The following NSD2 variants were observed in gnomAD, a reference collection of about 807,000 sequenced individuals.
The protein encoded by NSD2 is histone-lysine N-methyltransferase NSD2.
In NSD2, 12 loss-of-function variants were observed where a neutral mutation model predicts 139.0. The observed-to-expected ratio is 0.09, with a 90% CI of 0.06 to 0.14. NSD2 has a LOEUF of 0.14. Ranked by LOEUF, NSD2 falls within the 10% of genes least tolerant of loss-of-function variation. The pLI, the probability that NSD2 is intolerant of heterozygous loss-of-function variation, is 1.00. For missense variants in NSD2, 1,155 were observed against 1,745.0 expected, an observed-to-expected ratio of 0.66 and a Z score of 6.02; for synonymous variants, 669 against 648.7, an observed-to-expected ratio of 1.03 and a Z score of -0.48.
intron 5 of NSD2, among the ~76,000 whole-genome samples, chr4:1,927,719 GAAAAAAAAAAA>G (rs1177170379): frequency 8.5e-4 from 16 of 18,902 alleles, no homozygotes; most frequent in Admixed American, 3.0e-3. Flanking sequence ...TCTTATCTCA[GAAAAAAAAAAA>G]AAAAAAAAAA....
intron 1 of NSD2, among the ~76,000 whole-genome samples, chr4:1,888,182 G>A (rs899445114): frequency 6.6e-6 from 1 of 152,112 alleles, no homozygotes; most frequent in Non-Finnish European, 1.5e-5. Context: ...GGAGGCTGAG[G>A]TGGGTGGATC....
chr4:1,879,667 G>A (rs1041879512), intron 1 of NSD2, among the ~76,000 whole-genome samples: 2 of 152,070 alleles, frequency 1.3e-5, no homozygotes, highest in Non-Finnish European at 2.9e-5. Context: ...GTGATGAGCC[G>A]TGCCCTGTCC....
intron 3 of NSD2, among the ~76,000 whole-genome samples, chr4:1,908,163 G>A (rs935725903): frequency 2.7e-4 from 41 of 152,340 alleles, no homozygotes; most frequent in African/African-American, 9.1e-4. Flanking sequence ...GCTTCTGCTA[G>A]TCTAGAACAG....
chr4:1,976,514 A>G lies in NSD2; in HGVS notation c.3661A>G (p.Thr1221Ala). Residue 1221 changes from threonine to alanine, a missense_variant, in exon 21 of 22, where the codon ACC (threonine) becomes GCC (alanine). Thr to Ala is a moderately conservative substitution (Grantham distance 58). This residue lies in a region of NSD2 where 39 missense variants were observed against 43.5 expected (regional missense o/e 0.90). Transcript: ENST00000508803. The surrounding 1 kb of genome is among the most constrained non-coding windows in gnomAD (Gnocchi z 5.3). Reference protein sequence around the residue: ...TLSSEEKGKKTKKKTRRRRAK... With the variant: ...TLSSEEKGKKAKKKTRRRRAK... ...TTCATCAGAGGAAAAGGGCAAAAAG[A>G]CCAAGAAGAAAACGAGGCGGCGCAG... 1 of 1,613,966 alleles carries G rather than the reference A, an allele frequency of 6.2e-7. No individual in the cohort carries two copies. The highest frequency in any genetic ancestry group is 8.5e-7 in the Non-Finnish European group (1 of 1,179,964).
intron 21 of NSD2, 46 bp from the exon 22 acceptor site, chr4:1,978,592 G>A (rs934601645): frequency 4.5e-6 from 7 of 1,558,744 alleles, no homozygotes; most frequent in Admixed American, 1.8e-5. Context: ...TGTTGAAGTC[G>A]TGATTCCATC....
chr4:1,910,840 G>C (rs1278987630), intron 3 of NSD2, among the ~76,000 whole-genome samples: 1 of 152,088 alleles, frequency 6.6e-6, no homozygotes, highest in Non-Finnish European at 1.5e-5. Flanking sequence ...TTGGGGCTCT[G>C]GTGCCCTCCA....
chr4:1,878,251 ATTTTTTTTTTTTTTTTTT>A (rs71589624), intron 1 of NSD2, among the ~76,000 whole-genome samples: 22 of 29,312 alleles, frequency 7.5e-4, no homozygotes, highest in African/African-American at 2.9e-3. Flanking sequence ...ATATATATAT[ATTTTTTTTTTTTTTTTTT>A]TTTTTTTTTT....
Position 1,946,258 on chromosome 4 carries a change from ATTAT to A in NSD2, c.1882-4794_1882-4791del, listed in dbSNP as rs569689868. ...AATTTGGGGGGTCTTGCATTTATTT[ATTAT>A]TTATTTATTTATTTATTTAGAGACA... is the stretch of plus-strand genomic sequence containing the variant. On this transcript the variant is annotated intron_variant, in intron 9 of 21. Transcript: ENST00000508803. The A allele has an allele frequency of 2.4e-3, 2,273 of 958,928 alleles. 34 individuals are homozygous for A. In the African/African-American group the frequency reaches 0.033, roughly 14 times the overall value. 59.4% of individuals were successfully genotyped at this position (958,928 alleles called of 1,614,324 possible).
intron 3 of NSD2, among the ~76,000 whole-genome samples, chr4:1,909,019 C>T (rs1718310192): frequency 6.6e-6 from 1 of 152,014 alleles, no homozygotes; most frequent in Non-Finnish European, 1.5e-5. Flanking sequence ...GCTATTATTG[C>T]ACTTTCTACA....
At chr4:1,916,156 G>A (rs1236360941) in intron 3 of NSD2, among the ~76,000 whole-genome samples, 1 of 152,074 alleles carries the variant, frequency 6.6e-6, no homozygotes, top group Non-Finnish European at 1.5e-5. Flanking sequence ...GAGATAGGGG[G>A]GTAGCTAGCT....
chr4:1,939,693 A>G lies in NSD2; in HGVS notation c.1796A>G (p.Lys599Arg). The G allele has an allele frequency of 6.2e-7, 1 of 1,614,226 alleles. No individual in the cohort carries two copies. Among genetic ancestry groups the G allele is most frequent in the South Asian group, 1.1e-5 (1 of 91,088 alleles). The change falls in exon 9 of 22, where the codon AAG becomes AGG. Residue 599 changes from lysine (K) to arginine (R), a missense_variant. By Grantham distance (26) the Lys-to-Arg change is conservative. This residue lies in a region of NSD2 where 420 missense variants were observed against 469.0 expected (regional missense o/e 0.90). Coordinates refer to ENST00000508803, the MANE Select transcript of NSD2 (RefSeq NM_001042424.3). ...NLSDACKPLK[K>R]RNRASTAASS... Reference sequence around the variant, plus strand: ...TCTGATGCATGTAAACCACTGAAGAAGCGAAATCGGGCTTCCACGGCAGCA... The same window carrying G: ...TCTGATGCATGTAAACCACTGAAGAGGCGAAATCGGGCTTCCACGGCAGCA...
rs1295365320 is a variant in NSD2 at position 1,976,809 on chromosome 4, G to C, written c.3826+130G>C. The C allele has an allele frequency of 1.4e-5, 13 of 948,810 alleles. No individual in the cohort carries two copies. The highest frequency in any genetic ancestry group is 2.0e-5 in the Non-Finnish European group (13 of 651,944). 58.8% of individuals were successfully genotyped at this position (948,810 alleles called of 1,614,324 possible). On this transcript the variant is annotated intron_variant, in intron 21 of 21. Coordinates refer to ENST00000508803, the MANE Select transcript of NSD2 (RefSeq NM_001042424.3). The surrounding 1 kb of genome is among the most constrained non-coding windows in gnomAD (Gnocchi z 5.3). ...GCACATCAGGCGCTCATGCAGCGAA[G>C]GCCCTGATCCAGGGTGGCAGAGCCT...
intron 11 of NSD2, 23 bp from the exon 12 acceptor site, chr4:1,953,301 C>T: frequency 8.1e-6 from 13 of 1,614,244 alleles, no homozygotes; most frequent in Non-Finnish European, 1.1e-5. Context: ...TCTCTCTCCA[C>T]CCCTTCTTTA....
At chr4:1,897,369 C>T (rs1030765542) in intron 1 of NSD2, among the ~76,000 whole-genome samples, 2 of 151,964 alleles carry the variant, frequency 1.3e-5, no homozygotes, top group Admixed American at 6.6e-5. Context: ...CCTATAGTCC[C>T]AGCTACTCGG....
chr4:1,898,094 T>C (rs1437450909), intron 1 of NSD2, among the ~76,000 whole-genome samples: 1 of 152,170 alleles, frequency 6.6e-6, no homozygotes, highest in African/African-American at 2.4e-5. Flanking sequence ...GCTTCCTTTT[T>C]TTCCCCCTTC....
At position 1,951,443 on chromosome 4, in the gene NSD2, TACACACACAC is replaced by T. The variant is rs71167763; in HGVS notation, c.2013+312_2013+321del. ...TGAGATTTGTATACACATCATGTAA[TACACACACAC>T]ACACACACACACACACACACACACA... is the stretch of plus-strand genomic sequence containing the variant. On this transcript the variant is annotated intron_variant, in intron 10 of 21. Transcript: ENST00000508803. Among the ~76,000 whole-genome samples, 190 of 100,950 alleles carry T rather than the reference TACACACACAC, an allele frequency of 1.9e-3. 1 individual carries two copies. The highest frequency in any genetic ancestry group is 5.6e-3 in the African/African-American group (140 of 25,120). The allele number at this position is 100,950 out of a possible 152,430, so 66.2% of individuals were successfully genotyped here.
intron 5 of NSD2, among the ~76,000 whole-genome samples, chr4:1,926,952 C>T (rs1210843393): frequency 3.3e-5 from 5 of 152,192 alleles, no homozygotes; most frequent in Non-Finnish European, 5.9e-5. Flanking sequence ...TTTACTGTCT[C>T]ACAGTTTCTG....
chr4:1,967,930 G>A (rs1726056418), intron 18 of NSD2, among the ~76,000 whole-genome samples: 1 of 152,162 alleles, frequency 6.6e-6, no homozygotes, highest in South Asian at 2.1e-4. Context: ...GGCAGCACGT[G>A]GTCAGTCTGG....
intron 1 of NSD2, chr4:1,893,627 C>G (rs1715845447): frequency 6.7e-6 from 1 of 148,488 alleles, no homozygotes; most frequent in Admixed American, 6.8e-5. Context: ...TCTTGGCTCT[C>G]TGCAATCTCT....
Sources: gnomAD v4.1 joint callset for allele counts (sites outside exome capture counted in the v4.1 genomes callset) on GRCh38, gnomAD v4.1.1 for gene constraint, gnomAD v4.1.1 regional missense constraint, Gnocchi (gnomAD v3.1) non-coding constraint, MANE v1.5 for transcripts, NCBI Gene and HGNC (gene_info 2026-07-23, HGNC 2026-07-21) for gene names.